Variants in HECTD4 observed in about 807,000 individuals in gnomAD.
HECTD4 encodes probable E3 ubiquitin-protein ligase HECTD4.
A neutral mutation model predicts 471.5 loss-of-function variants in HECTD4; 114 were observed. The ratio of observed to expected loss-of-function variants is 0.24; its 90% confidence interval spans 0.21 to 0.28. The LOEUF is 0.28. Among genes scored for constraint, HECTD4 ranks in the 10% least tolerant of loss-of-function variants. The probability of loss-of-function intolerance (pLI) is 1.00; values close to 1 mark genes in which losing one functional copy is unlikely to be tolerated. For synonymous variants in HECTD4, 2,012 were observed against 2,256.0 expected, an observed-to-expected ratio of 0.89 and a Z score of 3.07; for missense variants, 3,866 against 5,651.5, an observed-to-expected ratio of 0.68 and a Z score of 10.13.
intron 52 of HECTD4, among the ~76,000 whole-genome samples, chr12:112,207,363 G>A (rs555145040): frequency 3.4e-4 from 51 of 152,078 alleles, no homozygotes; most frequent in Admixed American, 9.2e-4. Context: ...GGCTGCTCTC[G>A]AACTCCTGAC....
chr12:112,243,601 C>G lies in HECTD4; in HGVS notation c.4791+19G>C. 6.2e-7 allele frequency: 1 copy of G among 1,605,796 alleles called. No individual in the cohort carries two copies. Among genetic ancestry groups the G allele is most frequent in the Non-Finnish European group, 8.5e-7 (1 of 1,175,270 alleles). On this transcript the variant is annotated intron_variant, in intron 31 of 75. Coordinates refer to ENST00000682272, the MANE Select transcript of HECTD4 (RefSeq NM_001388303.1). The surrounding 1 kb of genome is among the most constrained non-coding windows in gnomAD (Gnocchi z 6.6). ...GCTGTTAGGTGCTATTCATCTGGAG[C>G]CCGCAAAATGTGACGTACAGCTTGG...
Position 112,260,837 on chromosome 12 carries a change from A to G in HECTD4, c.2873+468T>C, listed in dbSNP as rs1352723174. On this transcript the variant is annotated intron_variant, in intron 18 of 75. Coordinates refer to ENST00000682272, the MANE Select transcript of HECTD4 (RefSeq NM_001388303.1). ...AGAAAGGGCTTTATTACTGTGAAAG[A>G]GAAGTCTGCCCTCTATATAGGTCAG... Among the ~76,000 whole-genome samples, 3 of 151,854 alleles carry G rather than the reference A, an allele frequency of 2.0e-5. No individual in the cohort carries two copies. In the East Asian group the frequency reaches 5.8e-4, roughly 29 times the overall value.
At chr12:112,219,888 C>A (rs569352708) in intron 44 of HECTD4, among the ~76,000 whole-genome samples, 42 of 152,300 alleles carry the variant, frequency 2.8e-4, no homozygotes, top group African/African-American at 9.1e-4. Context: ...GCTTGAGCCA[C>A]CGCGCCCAGC....
At chr12:112,174,930 C>T (rs557702917) in intron 66 of HECTD4, among the ~76,000 whole-genome samples, 43 of 152,206 alleles carry the variant, frequency 2.8e-4, no homozygotes, top group South Asian at 1.0e-3. Flanking sequence ...TATGTGCACA[C>T]GTGCGTGAGC....
At chr12:112,230,929 G>A (rs2033363783) in intron 39 of HECTD4, 107 bp from the exon 40 acceptor site, 2 of 1,005,464 alleles carry the variant, frequency 2.0e-6, no homozygotes, top group African/African-American at 1.6e-5. Context: ...TTTTATACAA[G>A]AAAAAGTGGA....
chr12:112,203,386 G>A (rs1374684408), intron 54 of HECTD4: 1 of 372,694 alleles, frequency 2.7e-6, no homozygotes, highest in Non-Finnish European at 4.8e-6. Context: ...AATGGTAGAG[G>A]TGGTGTGGTC....
chr12:112,344,555 G>C (rs1022050004), intron 1 of HECTD4, among the ~76,000 whole-genome samples: 1 of 152,186 alleles, frequency 6.6e-6, no homozygotes, highest in South Asian at 2.1e-4. Flanking sequence ...GGATAGACTG[G>C]GGGGAAGATG....
chr12:112,335,466 G>A (rs1039210981), intron 1 of HECTD4, among the ~76,000 whole-genome samples: 5 of 152,256 alleles, frequency 3.3e-5, no homozygotes, highest in Non-Finnish European at 7.4e-5. Context: ...GCCGAGGTGG[G>A]CAGATCACGA....
chr12:112,355,050 G>A (rs1279669739), intron 1 of HECTD4, among the ~76,000 whole-genome samples: 4 of 150,218 alleles, frequency 2.7e-5, no homozygotes, highest in African/African-American at 7.3e-5. Flanking sequence ...GCGCTATCTC[G>A]GCTCACTGCA....
At chr12:112,172,632 T>A (rs768275233) in intron 67 of HECTD4, 39 bp downstream of exon 67, 11 of 1,597,158 alleles carry the variant, frequency 6.9e-6, no homozygotes, top group South Asian at 2.2e-5. Flanking sequence ...CATGCCCGCA[T>A]CAGGCAGCAG....
chr12:112,169,808 C>T (rs1302825535), intron 69 of HECTD4, 150 bp from the exon 70 acceptor site: 2 of 852,418 alleles, frequency 2.3e-6, no homozygotes, highest in African/African-American at 1.7e-5. Flanking sequence ...GCCCTCAGAA[C>T]ACCTTAGAGC....
rs142574419 is a variant in HECTD4 at position 112,160,952 on chromosome 12, A to G, written c.*1435T>C. The stretch of plus-strand genomic sequence containing the variant: ...ATCCTTAGGTCAGGGGATCCTTTCT[A>G]TAATGGTCCTTGATGCATTTCCTAA... On this transcript the variant is annotated 3_prime_UTR_variant, in exon 76 of 76. Coordinates refer to ENST00000682272, the MANE Select transcript of HECTD4 (RefSeq NM_001388303.1). 8 of 152,290 alleles carry G rather than the reference A, an allele frequency of 5.3e-5. No homozygotes were observed. In the East Asian group the frequency reaches 1.4e-3, roughly 26 times the overall value. 9.4% of individuals were successfully genotyped at this position (152,290 alleles called of 1,614,324 possible).
At chr12:112,367,842 A>C (rs939443829) in intron 1 of HECTD4, among the ~76,000 whole-genome samples, 50 of 150,338 alleles carry the variant, frequency 3.3e-4, no homozygotes, top group South Asian at 1.7e-3. Context: ...AAAAAAAAAA[A>C]AAAAAACGCT....
intron 1 of HECTD4, among the ~76,000 whole-genome samples, chr12:112,362,862 C>A (rs555055473): frequency 6.6e-6 from 1 of 151,998 alleles, no homozygotes; most frequent in Non-Finnish European, 1.5e-5. Context: ...TCACCATGCC[C>A]GGCTAATTTT....
intron 1 of HECTD4, among the ~76,000 whole-genome samples, chr12:112,360,353 T>C (rs2036427592): frequency 6.6e-6 from 1 of 152,048 alleles, no homozygotes; most frequent in Non-Finnish European, 1.5e-5. Context: ...GAATAAAATG[T>C]ATAAAGTAGC....
intron 1 of HECTD4, among the ~76,000 whole-genome samples, chr12:112,328,110 C>CTATCTATT (rs2035781342): frequency 6.9e-6 from 1 of 145,722 alleles, no homozygotes; most frequent in East Asian, 2.1e-4. Context: ...CAATGTAAAA[C>CTATCTATT]TATTTATTTA....
intron 12 of HECTD4, among the ~76,000 whole-genome samples, 185 bp downstream of exon 12, chr12:112,270,042 T>C (rs2034379995): frequency 6.6e-6 from 1 of 152,228 alleles, no homozygotes; most frequent in Non-Finnish European, 1.5e-5. Context: ...ATACGCTATG[T>C]ATAGCAATAC....
At chr12:112,267,738 G>A (rs1383097349) in intron 13 of HECTD4, among the ~76,000 whole-genome samples, 1 of 152,228 alleles carries the variant, frequency 6.6e-6, no homozygotes, top group Non-Finnish European at 1.5e-5. Context: ...TTTCCGAAGA[G>A]AAGGGAAGAA....
At chr12:112,284,170 G>A (rs938996836) in intron 7 of HECTD4, among the ~76,000 whole-genome samples, 3 of 152,072 alleles carry the variant, frequency 2.0e-5, no homozygotes, top group African/African-American at 2.4e-5. Flanking sequence ...CAAGTCCTGT[G>A]CTCCCCTCTG....
Sources: allele counts gnomAD v4.1 joint callset (sites outside exome capture counted in the v4.1 genomes callset), GRCh38; gene constraint gnomAD v4.1.1; non-coding constraint Gnocchi (gnomAD v3.1); transcripts MANE v1.5; gene names NCBI Gene and HGNC (gene_info 2026-07-23, HGNC 2026-07-21).